The following NF1 variants were observed in gnomAD, a reference collection of about 807,000 sequenced individuals.
NF1 encodes neurofibromin.
Under a neutral mutation model 325.7 loss-of-function variants are expected in NF1, and 122 were observed. The ratio of observed to expected loss-of-function variants is 0.37; its 90% CI spans 0.32 to 0.44. The LOEUF (loss-of-function observed/expected upper bound fraction) is 0.44. Among genes scored for constraint, NF1 ranks in the 20% least tolerant of loss-of-function variants. The pLI, the probability that NF1 is intolerant of heterozygous loss-of-function variation, is 1.00. For synonymous variants in NF1, 1,091 were observed against 1,186.0 expected, an observed-to-expected ratio of 0.92 and a Z score of 1.65; for missense variants, 2,140 against 3,415.4, an observed-to-expected ratio of 0.63 and a Z score of 9.31.
At chr17:31,112,463 T>C (rs1913499495) in intron 1 of NF1, among the ~76,000 whole-genome samples, 1 of 152,234 alleles carries the variant, frequency 6.6e-6, no homozygotes, top group Non-Finnish European at 1.5e-5. Flanking sequence ...ACCTTTTCTT[T>C]TAAATTACAG....
At chr17:31,225,358 G>T in intron 17 of NF1, 108 bp downstream of exon 17, 1 of 1,239,916 alleles carries the variant, frequency 8.1e-7, no homozygotes, top group Non-Finnish European at 1.2e-6. Flanking sequence ...GTGAAAAACT[G>T]CTTAGAATCT....
chr17:31,164,273 A>T (rs1473138186), intron 4 of NF1, among the ~76,000 whole-genome samples: 1 of 152,234 alleles, frequency 6.6e-6, no homozygotes, highest in East Asian at 1.9e-4. Flanking sequence ...TATCAAAAAT[A>T]TAATTTAAGC....
chr17:31,288,899 C>A (rs2068295368), intron 36 of NF1, among the ~76,000 whole-genome samples: 1 of 152,040 alleles, frequency 6.6e-6, no homozygotes, highest in African/African-American at 2.4e-5. Flanking sequence ...TTTCTTTGAT[C>A]TTTCTTTTCT....
intron 1 of NF1, among the ~76,000 whole-genome samples, chr17:31,132,393 A>T (rs1000127818): frequency 1.3e-5 from 2 of 152,042 alleles, no homozygotes; most frequent in Non-Finnish European, 2.9e-5. Flanking sequence ...TACAAAAACT[A>T]GCTGGGTGTG....
intron 36 of NF1, among the ~76,000 whole-genome samples, chr17:31,323,866 A>T (rs765101117): frequency 5.3e-5 from 8 of 152,058 alleles, no homozygotes; most frequent in Non-Finnish European, 8.8e-5. Context: ...TAATAACAGT[A>T]TTTTCTCTGC....
intron 27 of NF1, among the ~76,000 whole-genome samples, chr17:31,235,283 G>A (rs1048824180): frequency 1.3e-5 from 2 of 152,130 alleles, no homozygotes; most frequent in African/African-American, 2.4e-5. Context: ...ATTCTTTGCT[G>A]TCATCTTCTG....
Position 31,218,861 on chromosome 17 carries a change from C to T in NF1, c.1528-144C>T, listed in dbSNP as rs149423590. On this transcript the variant is annotated intron_variant, in intron 13 of 57. Coordinates refer to ENST00000358273, the MANE Select transcript of NF1 (RefSeq NM_001042492.3). ...TCCTGGGCTTACAGGCGTGAACCACCGCGTCCAGCCTAGTTCTAGAACATT... is the reference window on the plus strand; with the variant it reads ...TCCTGGGCTTACAGGCGTGAACCACTGCGTCCAGCCTAGTTCTAGAACATT... The T allele has an allele frequency of 1.2e-3, 958 of 817,746 alleles. 3 individuals are homozygous for T. The highest frequency in any genetic ancestry group is 1.1e-3 in the Non-Finnish European group (577 of 512,584). The allele number at this position is 817,746 out of a possible 1,614,324, so 50.7% of individuals were successfully genotyped here. A position where few individuals can be genotyped will look rare whatever the true frequency, so the allele number is the denominator to read the frequency against.
At chr17:31,316,293 C>T (rs2069019006) in intron 36 of NF1, among the ~76,000 whole-genome samples, 1 of 152,140 alleles carries the variant, frequency 6.6e-6, no homozygotes, top group Non-Finnish European at 1.5e-5. Context: ...TCAAAGATAT[C>T]TTACCTACCA....
At chr17:31,110,893 A>AAAAAAC (rs1040787740) in intron 1 of NF1, among the ~76,000 whole-genome samples, 3 of 152,040 alleles carry the variant, frequency 2.0e-5, no homozygotes, top group African/African-American at 7.2e-5. Flanking sequence ...TACTGTTCTT[A>AAAAAAC]AAAAACAAAA....
chr17:31,314,036 G>A (rs2068959377), intron 36 of NF1: 1 of 398,114 alleles, frequency 2.5e-6, no homozygotes, highest in Non-Finnish European at 4.4e-6. Flanking sequence ...GGACATTTTG[G>A]TGATTTGGCT....
In NF1 at chr17:31,352,289, C is replaced by T. The variant is rs1555536347; in HGVS notation, c.7490C>T (p.Pro2497Leu). Reference protein sequence around the residue: ...TLKETQPWSSPKGSEGYLAAT... With the variant: ...TLKETQPWSSLKGSEGYLAAT... Reference sequence around the variant, plus strand: ...AAGGAGACTCAGCCATGGTCCTCTCCCAAAGGTTCTGAAGGATACCTTGCA... The same window carrying T: ...AAGGAGACTCAGCCATGGTCCTCTCTCAAAGGTTCTGAAGGATACCTTGCA... Residue 2497 changes from proline to leucine, a missense_variant, in exon 51 of 58, where the codon CCC (proline) becomes CTC (leucine). Around this residue, in one of 10 missense-constraint regions of NF1, gnomAD observed 522 missense variants for 749.0 expected, o/e 0.70. Transcript: ENST00000358273. 9.3e-6 allele frequency: 15 copies of T among 1,614,076 alleles called. No individual in the cohort carries two copies. Among genetic ancestry groups the T allele is most frequent in the Non-Finnish European group, 1.2e-5 (14 of 1,180,002 alleles).
chr17:31,329,974 C>T (rs1326632875), intron 38 of NF1, among the ~76,000 whole-genome samples: 1 of 152,140 alleles, frequency 6.6e-6, no homozygotes, highest in East Asian at 1.9e-4. Flanking sequence ...TATTGATCCA[C>T]ATTAGGACCA....
At chr17:31,098,348 A>T (rs1185436500) in intron 1 of NF1, among the ~76,000 whole-genome samples, 2 of 151,848 alleles carry the variant, frequency 1.3e-5, no homozygotes, top group Non-Finnish European at 2.9e-5. Flanking sequence ...CATTAAATAT[A>T]TTTAGAAGAC....
chr17:31,235,469 G>C (rs1193777302), intron 27 of NF1, 142 bp from the exon 28 acceptor site: 1 of 817,610 alleles, frequency 1.2e-6, no homozygotes, highest in Non-Finnish European at 2.1e-6. Context: ...TAAATCTCAG[G>C]ATAAATATTA....
At chr17:31,223,927 AT>A (rs768620976) in intron 16 of NF1, among the ~76,000 whole-genome samples, 47 of 152,192 alleles carry the variant, frequency 3.1e-4, no homozygotes, top group Non-Finnish European at 5.4e-4. Context: ...CATAAAATTT[AT>A]TTTAACATAT....
At chr17:31,209,713 A>G (rs921770762) in intron 12 of NF1, among the ~76,000 whole-genome samples, 3 of 151,902 alleles carry the variant, frequency 2.0e-5, no homozygotes, top group South Asian at 4.2e-4. Context: ...GAGTGCAGTG[A>G]TGCAATCTTG....
intron 30 of NF1, chr17:31,250,934 G>C (rs186597159): frequency 1.1e-5 from 2 of 190,136 alleles, no homozygotes; most frequent in Non-Finnish European, 2.2e-5. Context: ...TGAATTAAAG[G>C]TGGTATCAGT....
Position 31,181,801 on chromosome 17 carries a change from A to ATTTTTTTTTTTT in NF1, c.730+21_730+32dup, listed in dbSNP as rs71142032. 11 of 1,218,958 alleles carry ATTTTTTTTTTTT rather than the reference A, an allele frequency of 9.0e-6. No individual in the cohort carries two copies. Among genetic ancestry groups the ATTTTTTTTTTTT allele is most frequent in the Non-Finnish European group, 4.7e-6 (4 of 853,294 alleles). 75.5% of individuals were successfully genotyped at this position (1,218,958 alleles called of 1,614,324 possible). A position where few individuals can be genotyped will look rare whatever the true frequency, so the allele number is the denominator to read the frequency against. ...GATATGGCTGGTAAGGATACGATTG[A>ATTTTTTTTTTTT]TTTTTTTTTTTTTTTTGTCTTTTAA... On this transcript the variant is annotated intron_variant, in intron 7 of 57. Transcript: ENST00000358273.
intron 25 of NF1, 108 bp from the exon 26 acceptor site, chr17:31,232,592 A>G (rs2067131280): frequency 9.4e-7 from 1 of 1,060,748 alleles, no homozygotes; most frequent in Non-Finnish European, 1.4e-6. Context: ...AGAAACAGTT[A>G]ACCCAGGGCC....
Sources: gnomAD v4.1 joint callset for allele counts (sites outside exome capture counted in the v4.1 genomes callset) on GRCh38, gnomAD v4.1.1 for gene constraint, gnomAD v4.1.1 regional missense constraint, MANE v1.5 for transcripts, NCBI Gene and HGNC (gene_info 2026-07-23, HGNC 2026-07-21) for gene names.